The following TNKS variants were observed in gnomAD, a reference collection of about 807,000 sequenced individuals.
The protein encoded by TNKS is tankyrase.
TNKS carries 72 observed loss-of-function variants against 135.8 expected under a neutral mutation model. The ratio of observed to expected loss-of-function variants is 0.53; its 90% CI spans 0.44 to 0.64. The LOEUF is 0.64. Among genes scored for constraint, TNKS ranks in the 30% least tolerant of loss-of-function variants. The probability of loss-of-function intolerance (pLI) is 0.00; values close to 1 mark genes in which losing one functional copy is unlikely to be tolerated. For synonymous variants in TNKS, 849 were observed against 649.3 expected (o/e 1.31, Z -4.68); for missense variants, 1,769 against 1,674.0 (o/e 1.06, Z -0.99).
intron 17 of TNKS, among the ~76,000 whole-genome samples, chr8:9,746,217 G>T (rs144507590): frequency 6.6e-6 from 1 of 152,284 alleles, no homozygotes; most frequent in East Asian, 1.9e-4. Flanking sequence ...AGTTGAAATG[G>T]ATCTCAGAAA....
At chr8:9,698,723 AT>A (rs1358638174) in intron 5 of TNKS, among the ~76,000 whole-genome samples, 2 of 152,212 alleles carry the variant, frequency 1.3e-5, no homozygotes, top group African/African-American at 2.4e-5. Flanking sequence ...AGTTGTCACT[AT>A]TTTAGCTATG....
chr8:9,772,842 T>TA (rs1808007457), intron 26 of TNKS, among the ~76,000 whole-genome samples: 2 of 138,414 alleles, frequency 1.4e-5, no homozygotes, highest in South Asian at 4.7e-4. Context: ...TGTGTGTGTG[T>TA]GTGTGTGTGT....
At chr8:9,579,808 A>T (rs1247367340) in intron 1 of TNKS, among the ~76,000 whole-genome samples, 3 of 152,190 alleles carry the variant, frequency 2.0e-5, no homozygotes, top group African/African-American at 7.2e-5. Context: ...GAATGTAGTG[A>T]TGAGTTTCTA....
chr8:9,713,453 G>A (rs957964112), intron 11 of TNKS, among the ~76,000 whole-genome samples: 1 of 152,114 alleles, frequency 6.6e-6, no homozygotes, highest in Non-Finnish European at 1.5e-5. Context: ...ACTTGTTCTA[G>A]TCAGCCTTTC....
At chr8:9,571,647 C>A (rs552597685) in intron 1 of TNKS, among the ~76,000 whole-genome samples, 1 of 152,034 alleles carries the variant, frequency 6.6e-6, no homozygotes, top group Non-Finnish European at 1.5e-5. Context: ...GTAGTAGAGA[C>A]GGGGTTTCAC....
At chr8:9,596,084 C>G (rs1798775968) in intron 2 of TNKS, among the ~76,000 whole-genome samples, 2 of 152,154 alleles carry the variant, frequency 1.3e-5, no homozygotes, top group Non-Finnish European at 2.9e-5. Flanking sequence ...GGACTCCAGT[C>G]TGGGTGACAG....
chr8:9,613,662 T>C (rs576849060), intron 2 of TNKS, among the ~76,000 whole-genome samples: 1 of 152,312 alleles, frequency 6.6e-6, no homozygotes, highest in East Asian at 1.9e-4. Flanking sequence ...CCCAAACATA[T>C]TTAGAAAACA....
chr8:9,644,611 G>A (rs899276444), intron 3 of TNKS, among the ~76,000 whole-genome samples: 15 of 152,082 alleles, frequency 9.9e-5, no homozygotes, highest in Non-Finnish European at 7.4e-5. Context: ...TCTAGTGGCT[G>A]GCATAATTTA....
intron 2 of TNKS, among the ~76,000 whole-genome samples, chr8:9,595,018 A>G (rs1021246143): frequency 1.2e-4 from 18 of 152,204 alleles, no homozygotes; most frequent in African/African-American, 4.1e-4. Context: ...TGAAGCCTTG[A>G]AAATCTGATT....
chr8:9,565,743 G>A (rs959203341), intron 1 of TNKS, among the ~76,000 whole-genome samples: 24 of 152,180 alleles, frequency 1.6e-4, no homozygotes, highest in African/African-American at 5.1e-4. Context: ...TGTTGTCCCA[G>A]CTACTCGGGA....
intron 2 of TNKS, among the ~76,000 whole-genome samples, chr8:9,608,666 CCTT>C (rs1264502648): frequency 1.3e-5 from 2 of 152,152 alleles, no homozygotes; most frequent in African/African-American, 2.4e-5. Context: ...CTGCACAGAT[CCTT>C]CTTCTCTAGT....
intron 12 of TNKS, among the ~76,000 whole-genome samples, chr8:9,723,143 C>T (rs1388298162): frequency 8.3e-6 from 1 of 120,704 alleles, no homozygotes; most frequent in Middle Eastern, 4.5e-3. Context: ...GAAAATTTTG[C>T]CCTCCAAAAG....
At position 9,780,217 on chromosome 8, in the gene TNKS, G is replaced by A. The variant is rs1173888996; in HGVS notation, c.*3481G>A. On this transcript the variant is annotated 3_prime_UTR_variant, in exon 27 of 27. Transcript: ENST00000310430. ...CCCCACCCCCGCCTTTTTAACATGT[G>A]CACTATCTGGATTCCTGTAAATGGC... The A allele has an allele frequency of 6.6e-6, 1 of 150,426 alleles. No individual in the cohort carries two copies. The highest frequency in any genetic ancestry group is 2.5e-5 in the African/African-American group (1 of 40,770). The allele number at this position is 150,426 out of a possible 1,614,324, so 9.3% of individuals were successfully genotyped here.
intron 1 of TNKS, chr8:9,575,284 AC>A: frequency 1.6e-6 from 1 of 628,968 alleles, no homozygotes; most frequent in Non-Finnish European, 2.0e-6. Context: ...GACGGGTTTC[AC>A]CATGTTAGCT....
intron 1 of TNKS, among the ~76,000 whole-genome samples, chr8:9,565,581 C>T (rs1300965061): frequency 1.3e-5 from 2 of 152,140 alleles, no homozygotes; most frequent in African/African-American, 4.8e-5. Context: ...ACTAAACCAG[C>T]CAGGCGTGGT....
intron 26 of TNKS, among the ~76,000 whole-genome samples, chr8:9,773,738 C>T (rs894831966): frequency 6.6e-6 from 1 of 151,926 alleles, no homozygotes; most frequent in Non-Finnish European, 1.5e-5. Context: ...AAAAAAATGC[C>T]TAAATAAAAA....
At chr8:9,706,285 TA>T (rs1180102159) in intron 7 of TNKS, 32 bp downstream of exon 7, 2 of 1,410,416 alleles carry the variant, frequency 1.4e-6, no homozygotes, top group African/African-American at 2.3e-5. Flanking sequence ...GAGCATCATT[TA>T]CTTTTTTTTT....
At chr8:9,725,811 CTTATT>C (rs768732210) in intron 12 of TNKS, among the ~76,000 whole-genome samples, 17 of 152,144 alleles carry the variant, frequency 1.1e-4, no homozygotes, top group African/African-American at 2.4e-4. Flanking sequence ...TCTTTAAAAA[CTTATT>C]TTATTTGGGT....
intron 18 of TNKS, among the ~76,000 whole-genome samples, chr8:9,749,487 C>G (rs1433060130): frequency 6.8e-6 from 1 of 147,098 alleles, no homozygotes; most frequent in Non-Finnish European, 1.5e-5. Flanking sequence ...TTTTTTTTTC[C>G]CCCTTAAGAC....
Sources: gnomAD v4.1 joint callset for allele counts (sites outside exome capture counted in the v4.1 genomes callset) on GRCh38, gnomAD v4.1.1 for gene constraint, MANE v1.5 for transcripts, NCBI Gene and HGNC (gene_info 2026-07-23, HGNC 2026-07-21) for gene names.